TAB3: variants seen among roughly 807,000 people sequenced by gnomAD.
TAB3 encodes TGF-beta-activated kinase 1 and MAP3K7-binding protein 3.
TAB3 carries 18 observed loss-of-function variants against 48.1 expected under a neutral mutation model. That is an observed-to-expected ratio of 0.37 (90% CI 0.26 to 0.55). The LOEUF is 0.55. Ranked by LOEUF, TAB3 falls within the 20% of genes least tolerant of loss-of-function variation. The pLI, the probability that TAB3 is intolerant of heterozygous loss-of-function variation, is 0.78. For missense variants in TAB3, 414 were observed against 549.8 expected, an observed-to-expected ratio of 0.75 and a Z score of 2.47; for synonymous variants, 185 against 190.2, an observed-to-expected ratio of 0.97 and a Z score of 0.22.
Position 30,852,906 on chromosome X carries a change from T to G in TAB3, c.1582A>C (p.Arg528=). The change falls in exon 7 of 11, where the codon AGG becomes CGG. Residue 528 remains arginine, a synonymous_variant. Transcript: ENST00000288422. ...TCAAGTTTCAGTTGCTTTGCTAACCTCTCCATCCTTGCTCGTTGATGTAAC... is the reference window on the plus strand; with the variant it reads ...TCAAGTTTCAGTTGCTTTGCTAACCGCTCCATCCTTGCTCGTTGATGTAAC... The part of the protein sequence containing the change: ...LLLHQRARME[R]LAKQLKLEKE... 4.1e-6 allele frequency: 5 copies of G among 1,211,472 alleles called. No homozygotes were observed. The highest frequency in any genetic ancestry group is 5.6e-6 in the Non-Finnish European group (5 of 895,451).
chrX:30,848,411 A>G (rs1938706352), intron 7 of TAB3, among the ~76,000 whole-genome samples: 1 of 111,245 alleles, frequency 9.0e-6, no homozygotes, highest in Admixed American at 9.6e-5. Flanking sequence ...AGTCCCAGCT[A>G]CTCGAGAGGC....
intron 7 of TAB3, among the ~76,000 whole-genome samples, chrX:30,848,580 G>C (rs939372673): frequency 1.8e-5 from 2 of 111,036 alleles, no homozygotes; most frequent in African/African-American, 3.3e-5. Context: ...AGAACCACTC[G>C]ATCTTACTAA....
intron 7 of TAB3, 83 bp from the exon 8 acceptor site, chrX:30,846,727 G>T: frequency 1.7e-6 from 1 of 582,340 alleles, no homozygotes. Context: ...CATGTTAATT[G>T]TAATGATTGG....
intron 5 of TAB3, among the ~76,000 whole-genome samples, chrX:30,858,628 A>G (rs369633697): frequency 8.0e-5 from 9 of 112,035 alleles, no homozygotes; most frequent in South Asian, 7.3e-4. Context: ...TGTGAGGAAG[A>G]CCAGTGAGCA....
intron 8 of TAB3, chrX:30,844,569 C>T (rs1938561424): frequency 8.9e-6 from 1 of 112,178 alleles, no homozygotes; most frequent in Non-Finnish European, 1.9e-5. Context: ...GTTTGTTTTG[C>T]TCCAAAGACC....
At chrX:30,872,641 T>A (rs1939694775) in intron 1 of TAB3, among the ~76,000 whole-genome samples, 1 of 112,628 alleles carries the variant, frequency 8.9e-6, no homozygotes, top group Non-Finnish European at 1.9e-5. Context: ...TATATAAATA[T>A]TTCAGCTAAT....
intron 9 of TAB3, among the ~76,000 whole-genome samples, chrX:30,840,107 T>C (rs1469622625): frequency 9.1e-6 from 1 of 109,407 alleles, no homozygotes; most frequent in Non-Finnish European, 1.9e-5. Flanking sequence ...ATCATTGTAA[T>C]AGATAACCCA....
intron 1 of TAB3, among the ~76,000 whole-genome samples, chrX:30,888,679 C>T (rs1940202441): frequency 8.9e-6 from 1 of 112,782 alleles, no homozygotes; most frequent in African/African-American, 3.2e-5. Context: ...TGCTACTAAC[C>T]TTCACATCTC....
chrX:30,870,290 C>T (rs759878206), intron 2 of TAB3, among the ~76,000 whole-genome samples: 2 of 112,472 alleles, frequency 1.8e-5, no homozygotes, highest in Non-Finnish European at 3.8e-5. Context: ...AATAATCAGT[C>T]TCATTAACCC....
intron 9 of TAB3, among the ~76,000 whole-genome samples, chrX:30,839,395 A>ACT (rs1339831593): frequency 3.1e-4 from 35 of 111,995 alleles, no homozygotes; most frequent in Admixed American, 2.9e-3. Flanking sequence ...ACTATAAGTC[A>ACT]ATGAGATAGA....
At chrX:30,871,435 CTGGTGAGG>C (rs1939658893) in intron 2 of TAB3, among the ~76,000 whole-genome samples, 1 of 111,713 alleles carries the variant, frequency 9.0e-6, no homozygotes, top group African/African-American at 3.3e-5. Context: ...CTTCTATTTT[CTGGTGAGG>C]TTTCTAATAG....
chrX:30,856,917 CACAT>C (rs1426379361), intron 5 of TAB3, among the ~76,000 whole-genome samples: 1 of 111,113 alleles, frequency 9.0e-6, no homozygotes, highest in African/African-American at 3.3e-5. Context: ...GTGCTCTTTC[CACAT>C]GATAATTTCA....
intron 4 of TAB3, among the ~76,000 whole-genome samples, chrX:30,862,675 G>A (rs1172190987): frequency 1.8e-5 from 2 of 111,630 alleles, no homozygotes. Context: ...GCCCTCAAAG[G>A]TAGTTATGAT....
intron 1 of TAB3, among the ~76,000 whole-genome samples, chrX:30,879,731 G>A (rs1023137439): frequency 2.7e-5 from 3 of 111,296 alleles, no homozygotes; most frequent in Non-Finnish European, 3.8e-5. Context: ...CATTATAATC[G>A]AAATACTAGC....
At chrX:30,847,710 T>C (rs1212598048) in intron 7 of TAB3, among the ~76,000 whole-genome samples, 1 of 111,223 alleles carries the variant, frequency 9.0e-6, no homozygotes, top group African/African-American at 3.3e-5. Context: ...TGCTAAACGC[T>C]AAATATGTTA....
At chrX:30,865,115 G>A (rs1321798860) in intron 4 of TAB3, among the ~76,000 whole-genome samples, 2 of 111,653 alleles carry the variant, frequency 1.8e-5, no homozygotes, top group East Asian at 2.8e-4. Context: ...GTGTCTCAAC[G>A]GCATACTATT....
Position 30,854,159 on chromosome X carries a change from C to T in TAB3, c.1506G>A (p.Gln502=), listed in dbSNP as rs370073249. 9 of 1,206,552 alleles carry T rather than the reference C, an allele frequency of 7.5e-6. No homozygotes were observed. In the African/African-American group the frequency reaches 1.6e-4, roughly 21 times the overall value. The change falls in exon 6 of 11, where the codon CAG becomes CAA. Residue 502 remains glutamine (Q), a synonymous_variant. Transcript: ENST00000288422. ...CATCTGATCCAGAACTAGAACTTCT[C>T]TGATATTTATGGCTTCCCTTTTCTC... ...SGGEKGSHKY[Q]RSSSSGSDDY...
intron 4 of TAB3, among the ~76,000 whole-genome samples, chrX:30,866,454 G>C (rs1352990631): frequency 9.1e-6 from 1 of 109,722 alleles, no homozygotes; most frequent in African/African-American, 3.3e-5. Context: ...TCTAAAACTG[G>C]GGCAGGGAAT....
At chrX:30,869,573 C>T (rs1939607970) in intron 2 of TAB3, among the ~76,000 whole-genome samples, 1 of 112,286 alleles carries the variant, frequency 8.9e-6, no homozygotes. Context: ...GTGCCTTGTA[C>T]ACACTAAATA....
Sources: allele counts gnomAD v4.1 joint callset (sites outside exome capture counted in the v4.1 genomes callset), GRCh38; gene constraint gnomAD v4.1.1; transcripts MANE v1.5; gene names NCBI Gene and HGNC (gene_info 2026-07-23, HGNC 2026-07-21).